The following SHISA9 variants were observed in gnomAD, a reference collection of about 807,000 sequenced individuals.
SHISA9 encodes the protein shisa family member 9, also known as protein shisa-9.
Under a neutral mutation model 38.0 loss-of-function variants are expected in SHISA9, and 13 were observed. The observed-to-expected ratio is 0.34, with a 90% CI of 0.22 to 0.54. The LOEUF (loss-of-function observed/expected upper bound fraction) is 0.54, where lower values mean the gene tolerates loss of function less well. Ranked by LOEUF, SHISA9 falls within the 20% of genes least tolerant of loss-of-function variation. The probability of loss-of-function intolerance (pLI) is 0.91; values close to 1 mark genes in which losing one functional copy is unlikely to be tolerated. For synonymous variants in SHISA9, 275 were observed against 242.0 expected, an observed-to-expected ratio of 1.14 and a Z score of -1.27; for missense variants, 538 against 575.8, an observed-to-expected ratio of 0.93 and a Z score of 0.67.
At chr16:12,938,202 A>T (rs2071559058) in intron 2 of SHISA9, among the ~76,000 whole-genome samples, 1 of 152,152 alleles carries the variant, frequency 6.6e-6, no homozygotes, top group South Asian at 2.1e-4. Flanking sequence ...TGCTTGTTCC[A>T]ATCTGTATAT....
intron 2 of SHISA9, among the ~76,000 whole-genome samples, chr16:12,975,746 G>A (rs372575185): frequency 1.3e-5 from 2 of 151,680 alleles, no homozygotes; most frequent in Admixed American, 6.6e-5. Context: ...GGGCTGGGAG[G>A]GGGGACTGGA....
chr16:13,311,508 G>C, the SHISA9 span, among the ~76,000 whole-genome samples: 1 of 152,128 alleles, frequency 6.6e-6, no homozygotes, highest in Non-Finnish European at 1.5e-5. Context: ...GGAGGGAAAA[G>C]ACTCTGATTG....
intron 2 of SHISA9, among the ~76,000 whole-genome samples, chr16:13,068,280 C>T (rs1035067894): frequency 2.6e-4 from 40 of 152,280 alleles, no homozygotes; most frequent in African/African-American, 8.9e-4. Context: ...CGTTTCTCGA[C>T]CCATAAAATG....
chr16:13,081,190 C>G (rs2073644771), intron 2 of SHISA9, among the ~76,000 whole-genome samples: 1 of 152,110 alleles, frequency 6.6e-6, no homozygotes, highest in Admixed American at 6.5e-5. Context: ...TTTTGCTGTA[C>G]CTAGGGATGG....
Position 13,235,351 on chromosome 16 carries a change from A to G in SHISA9, c.1217A>G (p.His406Arg), listed in dbSNP as rs1292476298. The part of the protein sequence containing the change: ...SSDPLGTRPQ[H>R]YPPPQPYFIT... Reference sequence around the variant, plus strand: ...GACCCCTTGGGAACTCGCCCCCAGCACTACCCACCCCCACAGCCATACTTC... The same window carrying G: ...GACCCCTTGGGAACTCGCCCCCAGCGCTACCCACCCCCACAGCCATACTTC... Residue 406 changes from histidine (H) to arginine (R), a missense_variant, in exon 5 of 5, where the codon CAC (histidine) becomes CGC (arginine). Transcript: ENST00000558583. 2.6e-6 allele frequency: 4 copies of G among 1,543,140 alleles called. No homozygotes were observed. In the East Asian group the frequency reaches 7.3e-5, roughly 28 times the overall value.
chr16:12,906,216 C>A (rs910894029), intron 1 of SHISA9, among the ~76,000 whole-genome samples: 1 of 152,238 alleles, frequency 6.6e-6, no homozygotes, highest in Non-Finnish European at 1.5e-5. Context: ...TTGTCTGGAG[C>A]TGCAAGGGAC....
At chr16:13,086,564 T>C (rs2073713226) in intron 2 of SHISA9, among the ~76,000 whole-genome samples, 1 of 151,996 alleles carries the variant, frequency 6.6e-6, no homozygotes, top group African/African-American at 2.4e-5. Context: ...GAAACATGCT[T>C]CAGTTGTATA....
intron 2 of SHISA9, among the ~76,000 whole-genome samples, chr16:13,124,006 G>C (rs1174234554): frequency 6.6e-6 from 1 of 152,168 alleles, no homozygotes; most frequent in Non-Finnish European, 1.5e-5. Context: ...GCACCGCATC[G>C]TATCCTGCAG....
the SHISA9 span, among the ~76,000 whole-genome samples, chr16:13,343,144 T>TA: frequency 5.9e-5 from 9 of 152,226 alleles, no homozygotes; most frequent in African/African-American, 1.9e-4. Flanking sequence ...GACCTATTCT[T>TA]AGCTGATGAT....
At chr16:13,004,331 G>A (rs76428557) in intron 2 of SHISA9, among the ~76,000 whole-genome samples, 1 of 152,322 alleles carries the variant, frequency 6.6e-6, no homozygotes, top group Non-Finnish European at 1.5e-5. Flanking sequence ...GGTTGCCTGA[G>A]GGCCAGATCA....
the SHISA9 span, among the ~76,000 whole-genome samples, chr16:13,437,961 G>A: frequency 8.7e-6 from 1 of 115,152 alleles, no homozygotes; most frequent in Non-Finnish European, 1.9e-5. Context: ...TGCTTCCTGG[G>A]TTAAAGCCAT....
At chr16:13,154,711 G>A (rs371665392) in intron 2 of SHISA9, among the ~76,000 whole-genome samples, 5 of 152,182 alleles carry the variant, frequency 3.3e-5, no homozygotes, top group Non-Finnish European at 7.3e-5. Context: ...AATCAGCCTG[G>A]CTTTTTACCT....
At chr16:13,337,477 A>G in the SHISA9 span, among the ~76,000 whole-genome samples, 3 of 152,136 alleles carry the variant, frequency 2.0e-5, no homozygotes, top group Non-Finnish European at 2.9e-5. Context: ...TAAATTGCCC[A>G]GTCTCTGGTA....
At chr16:13,247,368 C>G in the SHISA9 span, among the ~76,000 whole-genome samples, 2 of 152,132 alleles carry the variant, frequency 1.3e-5, no homozygotes. Context: ...CTTTACATAC[C>G]TGATCTTTAA....
At chr16:13,326,910 T>G in the SHISA9 span, among the ~76,000 whole-genome samples, 1 of 152,186 alleles carries the variant, frequency 6.6e-6, no homozygotes, top group Non-Finnish European at 1.5e-5. Context: ...TGTGCCTTAT[T>G]ATCAGTAACT....
the SHISA9 span, among the ~76,000 whole-genome samples, chr16:13,374,356 C>T: frequency 6.6e-6 from 1 of 152,154 alleles, no homozygotes; most frequent in Non-Finnish European, 1.5e-5. Context: ...TGATGTTCCC[C>T]ACCTTGTGTC....
chr16:13,008,604 T>TCCTCTCTCTCTCCTTCTC (rs2072627613), intron 2 of SHISA9, among the ~76,000 whole-genome samples: 1 of 148,352 alleles, frequency 6.7e-6, no homozygotes, highest in African/African-American at 2.5e-5. Context: ...TCCCCCTTTT[T>TCCTCTCTCTCTCCTTCTC]TCTCTCTCTC....
chr16:13,412,600 T>A, the SHISA9 span, among the ~76,000 whole-genome samples: 9 of 152,064 alleles, frequency 5.9e-5, no homozygotes, highest in African/African-American at 1.7e-4. Flanking sequence ...CTCACACCTA[T>A]AATCTCAGCA....
chr16:13,038,745 C>T (rs897850650), intron 2 of SHISA9, among the ~76,000 whole-genome samples: 4 of 152,294 alleles, frequency 2.6e-5, no homozygotes, highest in African/African-American at 4.8e-5. Context: ...TTTGTTAATT[C>T]TCTTCCTCAC....
Sources: gnomAD v4.1 joint callset for allele counts (sites outside exome capture counted in the v4.1 genomes callset) on GRCh38, gnomAD v4.1.1 for gene constraint, MANE v1.5 for transcripts, NCBI Gene and HGNC (gene_info 2026-07-23, HGNC 2026-07-21) for gene names.